CCDC12: variants seen among roughly 807,000 people sequenced by gnomAD.
CCDC12 encodes the protein coiled-coil domain containing 12, also known as coiled-coil domain-containing protein 12.
Under a neutral mutation model 25.7 loss-of-function variants are expected in CCDC12, and 28 were observed. The ratio of observed to expected loss-of-function variants is 1.09; its 90% confidence interval spans 0.81 to 1.50. The LOEUF (loss-of-function observed/expected upper bound fraction) is 1.50. Ranked by LOEUF, CCDC12 falls within the 40% of genes most tolerant of loss-of-function variation. CCDC12 has a pLI of 0.00. For missense variants in CCDC12, 198 were observed against 210.0 expected (o/e 0.94, Z 0.35); for synonymous variants, 75 against 87.7 (o/e 0.86, Z 0.81).
chr3:46,941,497 A>G (rs4682839), intron 1 of CCDC12, among the ~76,000 whole-genome samples: 143,175 of 151,176 alleles, frequency 0.95, 68,341 homozygotes, highest in South Asian at 1. Context: ...CCTGGGAGGC[A>G]GAGCTTGCAG....
intron 1 of CCDC12, among the ~76,000 whole-genome samples, chr3:46,946,306 ACT>A (rs1242825899): frequency 6.6e-6 from 1 of 152,240 alleles, no homozygotes; most frequent in Non-Finnish European, 1.5e-5. Context: ...AGAAAATGTA[ACT>A]CTGTGCCATG....
intron 1 of CCDC12, among the ~76,000 whole-genome samples, chr3:46,961,196 G>C (rs1248063942): frequency 6.6e-6 from 1 of 151,972 alleles, no homozygotes; most frequent in Admixed American, 6.6e-5. Flanking sequence ...AGGTATGTGG[G>C]ATAGGTTACA....
At chr3:46,926,304 G>C (rs1377381319) in intron 2 of CCDC12, among the ~76,000 whole-genome samples, 1 of 152,218 alleles carries the variant, frequency 6.6e-6, no homozygotes, top group Non-Finnish European at 1.5e-5. Context: ...CTCCAAGACT[G>C]TTGAGAGTGG....
upstream of CCDC12, among the ~76,000 whole-genome samples, chr3:46,978,256 T>G (rs1177421890): frequency 6.6e-6 from 1 of 152,208 alleles, no homozygotes. Context: ...TGCCAAGGCC[T>G]GGCATGCAGT....
chr3:46,925,009 T>C, intron 3 of CCDC12: 1 of 342,260 alleles, frequency 2.9e-6, no homozygotes, highest in Non-Finnish European at 5.8e-6. Flanking sequence ...GGCCAGGCCC[T>C]CTCCCCTGCC....
intron 5 of CCDC12, 50 bp downstream of exon 5, chr3:46,923,279 C>T (rs375346114): frequency 9.0e-6 from 13 of 1,452,050 alleles, no homozygotes; most frequent in African/African-American, 1.4e-5. Context: ...CATGCTGGCA[C>T]CAAGAGTCCC....
intron 3 of CCDC12, 111 bp downstream of exon 3, chr3:46,925,345 G>GC (rs1489864599): frequency 1.1e-6 from 1 of 901,432 alleles, no homozygotes; most frequent in Non-Finnish European, 1.8e-6. Flanking sequence ...CTGCCTGCAG[G>GC]CCCAACTCCT....
chr3:46,954,142 C>T (rs1575555813), intron 1 of CCDC12, among the ~76,000 whole-genome samples: 1 of 152,152 alleles, frequency 6.6e-6, no homozygotes, highest in Non-Finnish European at 1.5e-5. Flanking sequence ...AGGGGGCCCA[C>T]CTGGTCAGTT....
At chr3:46,951,798 A>AAAAAAAAAATATATAT in intron 1 of CCDC12, among the ~76,000 whole-genome samples, 9 of 8,462 alleles carry the variant, frequency 1.1e-3, no homozygotes, top group Non-Finnish European at 2.0e-3. Context: ...AAAAAAAAAA[A>AAAAAAAAAATATATAT]ATATATATAT....
chr3:46,957,996 C>CACACACACACACACACACACACACAT (rs113627328), intron 1 of CCDC12, among the ~76,000 whole-genome samples: 10 of 142,582 alleles, frequency 7.0e-5, no homozygotes, highest in South Asian at 2.4e-4. Context: ...CACACACACA[C>CACACACACACACACACACACACACAT]ATATATATGT....
At chr3:46,928,272 A>C (rs2033059642) in intron 2 of CCDC12, among the ~76,000 whole-genome samples, 1 of 152,214 alleles carries the variant, frequency 6.6e-6, no homozygotes, top group South Asian at 2.1e-4. Flanking sequence ...ATGTATTTTA[A>C]ATGGCTTTAG....
intron 5 of CCDC12, chr3:46,923,120 G>T (rs555515226): frequency 4.5e-4 from 204 of 448,696 alleles, no homozygotes; most frequent in African/African-American, 3.8e-3. Context: ...GCTGCTCCCC[G>T]CGCCTGAGCC....
intron 1 of CCDC12, among the ~76,000 whole-genome samples, chr3:46,941,461 AG>A (rs1466449083): frequency 6.6e-6 from 1 of 151,756 alleles, no homozygotes; most frequent in Non-Finnish European, 1.5e-5. Context: ...GCTATTCGGG[AG>A]GCTGAGGCAG....
chr3:46,946,747 G>C (rs4682838), intron 1 of CCDC12, among the ~76,000 whole-genome samples: 143,534 of 152,274 alleles, frequency 0.94, 68,266 homozygotes, highest in East Asian at 1. Context: ...GCCTGCTGCT[G>C]TCTGTGTGTC....
chr3:46,976,262 G>A (rs2034984480), intron 1 of CCDC12: 2 of 1,034,324 alleles, frequency 1.9e-6, no homozygotes, highest in Non-Finnish European at 2.4e-6. Flanking sequence ...TCGAAGGCGG[G>A]GGTTAAAGAC....
At chr3:46,951,798 A>AAAAAAAATATATATATATATAT in intron 1 of CCDC12, among the ~76,000 whole-genome samples, 2 of 8,468 alleles carry the variant, frequency 2.4e-4, no homozygotes, top group Non-Finnish European at 2.8e-4. Context: ...AAAAAAAAAA[A>AAAAAAAATATATATATATATAT]ATATATATAT....
intron 1 of CCDC12, among the ~76,000 whole-genome samples, chr3:46,963,966 G>A (rs967309074): frequency 6.6e-6 from 1 of 152,208 alleles, no homozygotes; most frequent in Non-Finnish European, 1.5e-5. Flanking sequence ...AGTCTGGGAA[G>A]TGAGGAGCGC....
rs528082486 is a variant in CCDC12 at position 46,922,350 on chromosome 3, G to A, written c.342-38C>T. The stretch of plus-strand genomic sequence containing the variant: ...GGCAGGGAGAAGCAGGAAGGTGAAG[G>A]CTGGCCTGATGTGGCATTGGGTCCC... On this transcript the variant is annotated intron_variant, in intron 5 of 6. Coordinates refer to ENST00000683445, the MANE Select transcript of CCDC12 (RefSeq NM_001277074.2). The A allele has an allele frequency of 7.7e-5, 124 of 1,611,444 alleles. 3 individuals are homozygous for A. The South Asian group carries it at 1.4e-3, about 18-fold the overall frequency.
intron 1 of CCDC12, among the ~76,000 whole-genome samples, chr3:46,966,515 CAAAA>C (rs377313304): frequency 1.4e-4 from 18 of 131,668 alleles, no homozygotes; most frequent in African/African-American, 2.4e-4. Context: ...GACTCTGTCT[CAAAA>C]AAAAAAAGAA....
Sources: gnomAD v4.1 joint callset for allele counts (sites outside exome capture counted in the v4.1 genomes callset) on GRCh38, gnomAD v4.1.1 for gene constraint, MANE v1.5 for transcripts, NCBI Gene and HGNC (gene_info 2026-07-23, HGNC 2026-07-21) for gene names.